The following GALNT13 variants were observed in gnomAD, a reference collection of about 807,000 sequenced individuals.
The protein encoded by GALNT13 is UDP-GalNAc:polypeptide N-acetylgalactosaminyltransferase 13.
GALNT13 carries 28 observed loss-of-function variants against 64.2 expected under a neutral mutation model. That is an observed-to-expected ratio of 0.44 (90% CI 0.32 to 0.60). The LOEUF is 0.60. GALNT13 is among the 20% of genes least tolerant of loss of function. The probability of loss-of-function intolerance (pLI) is 0.05; values close to 1 mark genes in which losing one functional copy is unlikely to be tolerated. For synonymous variants in GALNT13, 214 were observed against 224.6 expected (o/e 0.95, Z 0.42); for missense variants, 577 against 669.8 (o/e 0.86, Z 1.53).
chr2:153,377,308 A>G, the GALNT13 span, among the ~76,000 whole-genome samples: 1 of 152,230 alleles, frequency 6.6e-6, no homozygotes, highest in East Asian at 1.9e-4. Flanking sequence ...AGTCTGTGGT[A>G]TTTTATTATG....
chr2:154,452,109 A>G lies in GALNT13; in HGVS notation c.*1558A>G, dbSNP rs992999651. The G allele has an allele frequency of 9.2e-5, 14 of 152,108 alleles. No individual in the cohort carries two copies. The highest frequency in any genetic ancestry group is 3.1e-4 in the African/African-American group (13 of 41,448). The allele number at this position is 152,108 out of a possible 1,614,324, so 9.4% of individuals were successfully genotyped here. On this transcript the variant is annotated 3_prime_UTR_variant, in exon 13 of 13. Coordinates refer to ENST00000392825, the MANE Select transcript of GALNT13 (RefSeq NM_052917.4). Reference sequence around the variant, plus strand: ...CTTCCTCTTTTGACTTTTTATTGGTACAACTGTAGGGAAGAATCTACAACC... The same window carrying G: ...CTTCCTCTTTTGACTTTTTATTGGTGCAACTGTAGGGAAGAATCTACAACC...
chr2:153,306,445 G>A, the GALNT13 span, among the ~76,000 whole-genome samples: 5 of 152,114 alleles, frequency 3.3e-5, no homozygotes, highest in East Asian at 5.8e-4. Context: ...ATGACAACTA[G>A]CATCGAATTT....
chr2:153,608,850 T>TTATATAATTTA, the GALNT13 span, among the ~76,000 whole-genome samples: 1 of 147,680 alleles, frequency 6.8e-6, no homozygotes, highest in African/African-American at 2.4e-5. Context: ...AAAAATATTT[T>TTATATAATTTA]TATATAATTT....
At chr2:153,790,958 C>T in the GALNT13 span, among the ~76,000 whole-genome samples, 2 of 151,956 alleles carry the variant, frequency 1.3e-5, no homozygotes, top group Non-Finnish European at 2.9e-5. Context: ...AGAGATGACA[C>T]AAACAAATGG....
the GALNT13 span, among the ~76,000 whole-genome samples, chr2:153,815,180 C>A: frequency 6.6e-6 from 1 of 152,160 alleles, no homozygotes; most frequent in African/African-American, 2.4e-5. Flanking sequence ...TGATATATAT[C>A]TTAAAGCAGA....
At chr2:154,038,452 T>C (rs1009953774) in intron 3 of GALNT13, among the ~76,000 whole-genome samples, 1 of 152,052 alleles carries the variant, frequency 6.6e-6, no homozygotes, top group African/African-American at 2.4e-5. Context: ...AAAACTCAGA[T>C]ATAAATTCAT....
chr2:154,109,101 G>A (rs182153494), intron 3 of GALNT13, among the ~76,000 whole-genome samples: 8 of 152,070 alleles, frequency 5.3e-5, no homozygotes, highest in South Asian at 4.2e-4. Context: ...GATAGAGATC[G>A]CATTAAGTGT....
chr2:154,108,914 T>C (rs150429748), intron 3 of GALNT13, among the ~76,000 whole-genome samples: 3 of 152,216 alleles, frequency 2.0e-5, no homozygotes, highest in African/African-American at 7.2e-5. Context: ...TGTGGGTTCA[T>C]TTCTGGTGTT....
chr2:153,942,625 T>G lies in GALNT13; in HGVS notation c.-104-1769T>G, dbSNP rs576980320. 7.9e-5 allele frequency among the ~76,000 whole-genome samples: 12 copies of G among 152,252 alleles called. No individual in the cohort carries two copies. The South Asian group carries it at 2.5e-3, about 32-fold the overall frequency. Reference sequence around the variant, plus strand: ...ATGAAACAAAGTAGATAATAACATGTTACTTTTTTCTAAGAAAAAAAACCC... The same window carrying G: ...ATGAAACAAAGTAGATAATAACATGGTACTTTTTTCTAAGAAAAAAAACCC... On this transcript the variant is annotated intron_variant, in intron 2 of 12. Transcript: ENST00000392825.
the GALNT13 span, among the ~76,000 whole-genome samples, chr2:153,401,212 C>T: frequency 2.6e-5 from 4 of 152,032 alleles, no homozygotes; most frequent in African/African-American, 9.7e-5. Context: ...GCAGGTTGTT[C>T]AGTTTCCATG....
chr2:154,454,300 T>G (rs183002869), downstream of GALNT13, among the ~76,000 whole-genome samples: 517 of 152,238 alleles, frequency 3.4e-3, 3 homozygotes, highest in Admixed American at 4.8e-3. Flanking sequence ...CCCTTATTGT[T>G]AATATAAACT....
chr2:153,580,507 G>C, the GALNT13 span, among the ~76,000 whole-genome samples: 2 of 152,116 alleles, frequency 1.3e-5, no homozygotes, highest in African/African-American at 4.8e-5. Context: ...AATGCAGTAT[G>C]AGAAATAAGT....
the GALNT13 span, among the ~76,000 whole-genome samples, chr2:153,441,307 A>G: frequency 1.3e-5 from 2 of 152,140 alleles, no homozygotes; most frequent in African/African-American, 4.8e-5. Flanking sequence ...ATTGGTCTAT[A>G]TATCTGTTTT....
At chr2:154,030,663 C>A (rs190034038) in intron 3 of GALNT13, among the ~76,000 whole-genome samples, 26 of 152,218 alleles carry the variant, frequency 1.7e-4, no homozygotes, top group Admixed American at 3.9e-4. Flanking sequence ...GTTATTGGAT[C>A]ATGGGTGCAG....
chr2:153,537,315 G>T, the GALNT13 span, among the ~76,000 whole-genome samples: 1 of 152,194 alleles, frequency 6.6e-6, no homozygotes, highest in Admixed American at 6.6e-5. Context: ...TTCTGGCAGA[G>T]ACAAGCTCTT....
At chr2:154,296,853 G>A (rs1421000489) in intron 8 of GALNT13, among the ~76,000 whole-genome samples, 1 of 152,084 alleles carries the variant, frequency 6.6e-6, no homozygotes, top group Non-Finnish European at 1.5e-5. Context: ...CACCTGCCAT[G>A]GTGGTTTGCT....
At chr2:153,650,043 T>C in the GALNT13 span, among the ~76,000 whole-genome samples, 2 of 152,304 alleles carry the variant, frequency 1.3e-5, no homozygotes, top group East Asian at 3.9e-4. Context: ...CTCATTGATC[T>C]GTCTAATGTT....
At chr2:153,497,144 T>A in the GALNT13 span, among the ~76,000 whole-genome samples, 1 of 152,180 alleles carries the variant, frequency 6.6e-6, no homozygotes, top group Non-Finnish European at 1.5e-5. Context: ...CTGTTGGCTT[T>A]TTAATAGCCA....
the GALNT13 span, among the ~76,000 whole-genome samples, chr2:153,341,622 G>A: frequency 3.3e-5 from 5 of 152,130 alleles, no homozygotes; most frequent in African/African-American, 9.7e-5. Context: ...AAAATTGAAC[G>A]CTCTCAATAA....
Sources: allele counts gnomAD v4.1 joint callset (sites outside exome capture counted in the v4.1 genomes callset), GRCh38; gene constraint gnomAD v4.1.1; transcripts MANE v1.5; gene names NCBI Gene and HGNC (gene_info 2026-07-23, HGNC 2026-07-21).